The following MARCHF10 variants were observed in gnomAD, a reference collection of about 807,000 sequenced individuals.
The protein encoded by MARCHF10 is membrane associated ring-CH-type finger 10.
MARCHF10 carries 64 observed loss-of-function variants against 76.2 expected under a neutral mutation model. The observed-to-expected ratio is 0.84, with a 90% CI of 0.69 to 1.03. MARCHF10 has a LOEUF of 1.03. Ranked by LOEUF, MARCHF10 falls within the 50% of genes least tolerant of loss-of-function variation. The probability of loss-of-function intolerance (pLI) is 0.00; values close to 1 mark genes in which losing one functional copy is unlikely to be tolerated. For missense variants in MARCHF10, 875 were observed against 958.0 expected (o/e 0.91, Z 1.14); for synonymous variants, 340 against 357.5 (o/e 0.95, Z 0.55).
chr17:62,705,515 G>C (rs1285443770), intron 10 of MARCHF10, 24 bp downstream of exon 10: 1 of 1,613,980 alleles, frequency 6.2e-7, no homozygotes, highest in African/African-American at 1.3e-5. Flanking sequence ...CCTCAAAATG[G>C]CAGGACTGGC....
intron 5 of MARCHF10, 43 bp downstream of exon 5, chr17:62,744,333 C>T: frequency 6.3e-7 from 1 of 1,582,496 alleles, no homozygotes; most frequent in East Asian, 2.2e-5. Flanking sequence ...AAAAATCAGT[C>T]CTCCTCTCCA....
At chr17:62,796,429 A>G (rs1295458418) in intron 2 of MARCHF10, among the ~76,000 whole-genome samples, 4 of 152,232 alleles carry the variant, frequency 2.6e-5, no homozygotes, top group Non-Finnish European at 4.4e-5. Flanking sequence ...ACTTACTTCA[A>G]TGATATTTAG....
At chr17:62,745,698 G>A (rs1384249810) in intron 4 of MARCHF10, among the ~76,000 whole-genome samples, 1 of 152,190 alleles carries the variant, frequency 6.6e-6, no homozygotes, top group Non-Finnish European at 1.5e-5. Flanking sequence ...TAGCTGGGGT[G>A]CTATTGTGGA....
At chr17:62,753,457 C>G (rs1254123210) in intron 4 of MARCHF10, among the ~76,000 whole-genome samples, 1 of 152,202 alleles carries the variant, frequency 6.6e-6, no homozygotes, top group African/African-American at 2.4e-5. Context: ...TCCCTGAGAT[C>G]TTCTTCAATG....
chr17:62,701,611 A>T lies in MARCHF10; in HGVS notation c.*92T>A. The T allele has an allele frequency of 6.2e-7, 1 of 1,605,720 alleles. No individual in the cohort carries two copies. The highest frequency in any genetic ancestry group is 1.3e-5 in the African/African-American group (1 of 74,918). ...CTGTGAACGCTTTGGTTTCAGTTTCAGTAAAGAGGAGGAGGGAGGGAGGCA... is the reference window on the plus strand; with the variant it reads ...CTGTGAACGCTTTGGTTTCAGTTTCTGTAAAGAGGAGGAGGGAGGGAGGCA... On this transcript the variant is annotated 3_prime_UTR_variant, in exon 11 of 11. Coordinates refer to ENST00000311269, the MANE Select transcript of MARCHF10 (RefSeq NM_152598.4).
intron 3 of MARCHF10, among the ~76,000 whole-genome samples, chr17:62,770,756 G>C (rs2092428889): frequency 6.6e-6 from 1 of 151,444 alleles, no homozygotes; most frequent in Non-Finnish European, 1.5e-5. Context: ...GGTCAGGCTG[G>C]TCTCAAACTC....
intron 2 of MARCHF10, among the ~76,000 whole-genome samples, chr17:62,793,356 CA>C (rs2092911469): frequency 7.0e-6 from 1 of 143,778 alleles, no homozygotes; most frequent in Non-Finnish European, 1.5e-5. Context: ...CCACCACCAT[CA>C]CACCTCCATC....
intron 9 of MARCHF10, among the ~76,000 whole-genome samples, chr17:62,706,650 AG>A (rs917845355): frequency 6.6e-6 from 1 of 152,154 alleles, no homozygotes; most frequent in African/African-American, 2.4e-5. Flanking sequence ...AATGGCTTCT[AG>A]ATCGTACCTG....
chr17:62,726,380 T>C (rs2090757848), intron 6 of MARCHF10, among the ~76,000 whole-genome samples: 1 of 152,178 alleles, frequency 6.6e-6, no homozygotes, highest in Admixed American at 6.6e-5. Context: ...TTGAAAGACT[T>C]TTTTCCCCAT....
chr17:62,747,833 T>C (rs1034734440), intron 4 of MARCHF10, among the ~76,000 whole-genome samples: 1 of 152,186 alleles, frequency 6.6e-6, no homozygotes, highest in Non-Finnish European at 1.5e-5. Context: ...AAAAGGCAAA[T>C]AGCAACTCTT....
At chr17:62,753,094 TTCTC>T (rs140348805) in intron 4 of MARCHF10, among the ~76,000 whole-genome samples, 7 of 150,442 alleles carry the variant, frequency 4.7e-5, no homozygotes, top group East Asian at 1.9e-4. Flanking sequence ...AAACCAGAGC[TTCTC>T]TCTCTCTCTC....
At chr17:62,733,293 T>C (rs1284360145) in intron 6 of MARCHF10, among the ~76,000 whole-genome samples, 1 of 152,068 alleles carries the variant, frequency 6.6e-6, no homozygotes, top group African/African-American at 2.4e-5. Context: ...ACCCCATCTC[T>C]ACAAAAAAAT....
chr17:62,792,627 TCAC>T (rs529592713), intron 2 of MARCHF10, among the ~76,000 whole-genome samples: 81 of 116,526 alleles, frequency 7.0e-4, no homozygotes, highest in Non-Finnish European at 1.2e-3. Context: ...AACGCCTCCA[TCAC>T]CACCACCACA....
At chr17:62,789,653 T>C (rs918870874) in intron 2 of MARCHF10, among the ~76,000 whole-genome samples, 2 of 152,218 alleles carry the variant, frequency 1.3e-5, no homozygotes, top group Non-Finnish European at 2.9e-5. Context: ...GAATTGCAGC[T>C]GGCCAGGTGC....
In MARCHF10 at chr17:62,738,010, T is replaced by G. The variant is rs1197067124; in HGVS notation, c.536-678A>C. 6.6e-6 allele frequency: 1 copy of G among 150,472 alleles called. No individual in the cohort carries two copies. The highest frequency in any genetic ancestry group is 2.5e-5 in the African/African-American group (1 of 40,442). 9.3% of individuals were successfully genotyped at this position (150,472 alleles called of 1,614,324 possible). ...CCCTACTATGAATTCCTACACAGAA[T>G]CACTGAACTGGCCAGAAGCATGCTA... On this transcript the variant is annotated intron_variant, in intron 5 of 10. Transcript: ENST00000311269. The surrounding 1 kb of genome is among the most constrained non-coding windows in gnomAD (Gnocchi z 4.0).
At chr17:62,801,783 G>A (rs763492226) in intron 1 of MARCHF10, 31 bp from the exon 2 acceptor site, 1 of 1,479,878 alleles carries the variant, frequency 6.8e-7, no homozygotes. Context: ...AATGTGCTGT[G>A]TTAGAGTCCT....
chr17:62,760,804 A>G (rs1331808780), intron 3 of MARCHF10, among the ~76,000 whole-genome samples: 1 of 152,240 alleles, frequency 6.6e-6, no homozygotes, highest in Non-Finnish European at 1.5e-5. Flanking sequence ...TCTGCAACAA[A>G]TAAATCACTA....
chr17:62,741,891 G>A (rs2091521879), intron 5 of MARCHF10, among the ~76,000 whole-genome samples: 1 of 151,860 alleles, frequency 6.6e-6, no homozygotes, highest in South Asian at 2.1e-4. Context: ...GTAGAGATGG[G>A]GTTTCACCAT....
intron 2 of MARCHF10, among the ~76,000 whole-genome samples, chr17:62,795,742 GAC>G (rs1457382599): frequency 6.6e-6 from 1 of 152,180 alleles, no homozygotes; most frequent in Non-Finnish European, 1.5e-5. Context: ...TACAGGAAGG[GAC>G]ACACACCAAA....
Sources: gnomAD v4.1 joint callset for allele counts (sites outside exome capture counted in the v4.1 genomes callset) on GRCh38, gnomAD v4.1.1 for gene constraint, Gnocchi (gnomAD v3.1) non-coding constraint, MANE v1.5 for transcripts, NCBI Gene and HGNC (gene_info 2026-07-23, HGNC 2026-07-21) for gene names.